The following LINC00305 variants were observed in gnomAD, a reference collection of about 807,000 sequenced individuals.
LINC00305 encodes the protein long intergenic non-protein coding RNA 305.
intron 3 of LINC00305, among the ~76,000 whole-genome samples, chr18:64,090,138 A>T (rs117311878): frequency 0.039 from 5,691 of 147,804 alleles, 134 homozygotes; most frequent in Non-Finnish European, 0.057. Flanking sequence ...TCTTTAAACC[A>T]AACCTAGGTG....
chr18:64,125,586 T>C (rs1338216044), intron 1 of LINC00305, among the ~76,000 whole-genome samples: 2 of 151,884 alleles, frequency 1.3e-5, no homozygotes, highest in Admixed American at 1.3e-4. Flanking sequence ...AAGGAAAATA[T>C]ATACATACAT....
At chr18:64,125,881 G>A (rs530039729) in intron 1 of LINC00305, among the ~76,000 whole-genome samples, 2 of 152,164 alleles carry the variant, frequency 1.3e-5, no homozygotes, top group South Asian at 4.1e-4. Context: ...GGAGAGTTTG[G>A]TTCTTTTCTC....
intron 3 of LINC00305, among the ~76,000 whole-genome samples, chr18:64,086,937 C>A (rs769128546): frequency 5.9e-5 from 9 of 152,070 alleles, no homozygotes; most frequent in Admixed American, 3.3e-4. Context: ...TCCAAACAGG[C>A]TAAACAGTTT....
intron 3 of LINC00305, among the ~76,000 whole-genome samples, chr18:64,083,572 G>A (rs1477121154): frequency 6.6e-6 from 1 of 152,176 alleles, no homozygotes; most frequent in African/African-American, 2.4e-5. Flanking sequence ...TACTAGCCCT[G>A]TCTGGCAAGT....
At chr18:64,145,237 A>G (rs1047762906) in intron 1 of LINC00305, among the ~76,000 whole-genome samples, 1 of 152,196 alleles carries the variant, frequency 6.6e-6, no homozygotes, top group Non-Finnish European at 1.5e-5. Context: ...GTAAATTCTT[A>G]TCTCTATATA....
At chr18:64,083,087 C>A (rs1196563999) in intron 3 of LINC00305, among the ~76,000 whole-genome samples, 1 of 152,006 alleles carries the variant, frequency 6.6e-6, no homozygotes, top group East Asian at 1.9e-4. Flanking sequence ...TCTCTTTAGC[C>A]ATTCACCTTC....
chr18:64,123,297 G>C (rs2051370219), intron 1 of LINC00305, among the ~76,000 whole-genome samples: 1 of 151,950 alleles, frequency 6.6e-6, no homozygotes, highest in Non-Finnish European at 1.5e-5. Flanking sequence ...TTTTCATCTG[G>C]ATTGTAGTCA....
chr18:64,133,371 C>G (rs1189338048), intron 1 of LINC00305, among the ~76,000 whole-genome samples: 5 of 151,860 alleles, frequency 3.3e-5, no homozygotes, highest in South Asian at 2.1e-4. Flanking sequence ...GTTTAGAGTC[C>G]TAAATAAATT....
chr18:64,117,768 A>C (rs1245385605), intron 1 of LINC00305, among the ~76,000 whole-genome samples: 1 of 152,220 alleles, frequency 6.6e-6, no homozygotes, highest in South Asian at 2.1e-4. Flanking sequence ...GAGCAGATCC[A>C]GGCTTTGCCT....
chr18:64,123,916 C>T (rs1364177149), intron 1 of LINC00305, among the ~76,000 whole-genome samples: 2 of 152,036 alleles, frequency 1.3e-5, no homozygotes, highest in African/African-American at 4.8e-5. Flanking sequence ...CTTCCTCTGT[C>T]CCCATAGGAA....
chr18:64,107,534 C>T (rs1208066430), intron 1 of LINC00305, among the ~76,000 whole-genome samples: 1 of 152,228 alleles, frequency 6.6e-6, no homozygotes, highest in Non-Finnish European at 1.5e-5. Context: ...GAAGCATTGG[C>T]TTTTGCCTAC....
intron 1 of LINC00305, among the ~76,000 whole-genome samples, chr18:64,128,544 C>T (rs1432094148): frequency 3.9e-5 from 6 of 152,146 alleles, no homozygotes; most frequent in Admixed American, 6.5e-5. Flanking sequence ...AAATGAAAAT[C>T]GCAGCCAGCC....
chr18:64,121,706 C>T (rs956236052), intron 1 of LINC00305, among the ~76,000 whole-genome samples: 1 of 151,958 alleles, frequency 6.6e-6, no homozygotes, highest in Non-Finnish European at 1.5e-5. Flanking sequence ...GCATAGACAC[C>T]CAATAACGGG....
chr18:64,100,485 T>A (rs768758312), intron 1 of LINC00305, among the ~76,000 whole-genome samples: 6 of 152,194 alleles, frequency 3.9e-5, no homozygotes, highest in African/African-American at 4.8e-5. Context: ...GGGCCAGGAT[T>A]GTGAAATCAG....
At chr18:64,142,120 G>T (rs2051466464) in intron 1 of LINC00305, among the ~76,000 whole-genome samples, 1 of 152,264 alleles carries the variant, frequency 6.6e-6, no homozygotes, top group East Asian at 1.9e-4. Flanking sequence ...GGTGAGTGGC[G>T]AGTTGGGGTG....
exon 1 of LINC00305, chr18:64,148,903 G>A (rs2051511651): frequency 6.6e-6 from 1 of 152,214 alleles, no homozygotes; most frequent in Non-Finnish European, 1.5e-5. Flanking sequence ...GTGCCACTCT[G>A]TGAGTCACTG....
At chr18:64,092,359 G>A (rs568028329) in intron 3 of LINC00305, among the ~76,000 whole-genome samples, 21 of 152,294 alleles carry the variant, frequency 1.4e-4, no homozygotes, top group Admixed American at 2.0e-4. Context: ...TCAGAAGATC[G>A]AGACCATCCT....
chr18:64,146,628 G>A (rs2051499595), intron 1 of LINC00305, among the ~76,000 whole-genome samples: 1 of 152,154 alleles, frequency 6.6e-6, no homozygotes, highest in African/African-American at 2.4e-5. Context: ...GGCAAAGAAA[G>A]ATTTAATTGA....
chr18:64,141,044 C>T (rs985894982), intron 1 of LINC00305, among the ~76,000 whole-genome samples: 5 of 103,100 alleles, frequency 4.8e-5, no homozygotes, highest in Admixed American at 2.6e-4. Flanking sequence ...GATAATCAGC[C>T]TGAATGATAA....
Sources: gnomAD v4.1 joint callset for allele counts (sites outside exome capture counted in the v4.1 genomes callset) on GRCh38, gnomAD v4.1.1 for gene constraint, MANE v1.5 for transcripts, NCBI Gene and HGNC (gene_info 2026-07-23, HGNC 2026-07-21) for gene names.